The following SHLD2 variants were observed in gnomAD, a reference collection of about 807,000 sequenced individuals.
The protein encoded by SHLD2 is RINN1-REV7-interacting novel NHEJ regulator 2.
A neutral mutation model predicts 73.2 loss-of-function variants in SHLD2; 30 were observed. That is an observed-to-expected ratio of 0.41 (90% confidence interval 0.31 to 0.56). SHLD2 has a LOEUF of 0.56. Among genes scored for constraint, SHLD2 ranks in the 20% least tolerant of loss-of-function variants. SHLD2 has a pLI of 0.28. For missense variants in SHLD2, 745 were observed against 1,055.9 expected, an observed-to-expected ratio of 0.71 and a Z score of 4.08; for synonymous variants, 285 against 370.1, an observed-to-expected ratio of 0.77 and a Z score of 2.64.
At position 87,152,713 on chromosome 10, in the gene SHLD2, T is replaced by C. The variant is rs1219294867; in HGVS notation, c.1359T>C (p.His453=). 3.1e-6 allele frequency: 5 copies of C among 1,611,752 alleles called. No homozygotes were observed. Reference sequence around the variant, plus strand: ...TAGTCATGGTGCTATCTCCATGCCATGTGAAGGAAATAAACATAAAATTCG... The same window carrying C: ...TAGTCATGGTGCTATCTCCATGCCACGTGAAGGAAATAAACATAAAATTCG... ...NCLVMVLSPC[H]VKEINIKFGP... The change falls in exon 3 of 10, where the codon CAT becomes CAC. Residue 453 remains histidine (H), a synonymous_variant. Coordinates refer to ENST00000298786, the MANE Select transcript of SHLD2 (RefSeq NM_001330112.2).
At chr10:87,157,791 A>G (rs567457277) in intron 3 of SHLD2, among the ~76,000 whole-genome samples, 29 of 152,354 alleles carry the variant, frequency 1.9e-4, no homozygotes, top group Middle Eastern at 3.4e-3. Flanking sequence ...AAAAACTATT[A>G]AGCCTTTTTT....
At chr10:87,161,381 G>A (rs1320685657) in intron 4 of SHLD2, among the ~76,000 whole-genome samples, 1 of 152,120 alleles carries the variant, frequency 6.6e-6, no homozygotes, top group African/African-American at 2.4e-5. Context: ...GGGGGATGAG[G>A]TTGCAGTGAG....
In SHLD2 at chr10:87,187,079, T is replaced by A. The variant is rs1352607609; in HGVS notation, c.2400-6T>A. 1 of 1,585,050 alleles carries A rather than the reference T, an allele frequency of 6.3e-7. No individual in the cohort carries two copies. The highest frequency in any genetic ancestry group is 2.2e-5 in the East Asian group (1 of 44,666). On this transcript the variant is annotated splice_polypyrimidine_tract_variant and splice_region_variant and intron_variant, in intron 8 of 9. Transcript: ENST00000298786. ...TGAAGGTCGTGTGTTGTTTACTCTT[T>A]TGTAGGCCAGCGTTAATGACTGCCA...
chr10:87,185,570 A>T (rs956562393), intron 8 of SHLD2, among the ~76,000 whole-genome samples: 23 of 152,206 alleles, frequency 1.5e-4, no homozygotes, highest in Non-Finnish European at 1.5e-5. Flanking sequence ...TATTCTTGCC[A>T]GTACTTCTTA....
intron 2 of SHLD2, among the ~76,000 whole-genome samples, chr10:87,139,007 AAATCTATAG>A (rs1354377668): frequency 2.0e-5 from 3 of 152,248 alleles, no homozygotes; most frequent in African/African-American, 7.2e-5. Context: ...AACTACACAG[AAATCTATAG>A]AAGTAAGAGA....
intron 2 of SHLD2, among the ~76,000 whole-genome samples, chr10:87,103,219 T>A (rs555828204): frequency 7.8e-4 from 118 of 151,306 alleles, no homozygotes; most frequent in East Asian, 6.6e-3. Flanking sequence ...AAAAAAAAAA[T>A]TTTTTTTAAT....
chr10:87,137,546 A>T (rs1358831093), intron 2 of SHLD2, among the ~76,000 whole-genome samples: 5 of 152,156 alleles, frequency 3.3e-5, no homozygotes, highest in African/African-American at 1.2e-4. Flanking sequence ...GGAGGGGTAG[A>T]AAAGAGATTT....
Position 87,190,905 on chromosome 10 carries a change from A to G in SHLD2, c.*222A>G, listed in dbSNP as rs1227585299. The G allele has an allele frequency of 1.8e-6, 1 of 554,186 alleles. No individual in the cohort carries two copies. Among genetic ancestry groups the G allele is most frequent in the Non-Finnish European group, 3.2e-6 (1 of 312,960 alleles). 34.3% of individuals were successfully genotyped at this position (554,186 alleles called of 1,614,324 possible). A position where few individuals can be genotyped will look rare whatever the true frequency, so the allele number is the denominator to read the frequency against. On this transcript the variant is annotated 3_prime_UTR_variant, in exon 10 of 10. Coordinates refer to ENST00000298786, the MANE Select transcript of SHLD2 (RefSeq NM_001330112.2). ...TGGTTTCTTACTTTCTCCTGGAGAAATGATCTACCAGTCAAGGCAATATGT... is the reference window on the plus strand; with the variant it reads ...TGGTTTCTTACTTTCTCCTGGAGAAGTGATCTACCAGTCAAGGCAATATGT...
chr10:87,113,572 G>A (rs911109810), intron 2 of SHLD2, among the ~76,000 whole-genome samples: 5 of 152,186 alleles, frequency 3.3e-5, no homozygotes, highest in African/African-American at 1.2e-4. Context: ...GAGGCAATTG[G>A]GAATGACTGT....
intron 4 of SHLD2, among the ~76,000 whole-genome samples, chr10:87,159,421 G>T (rs1212411805): frequency 2.6e-5 from 4 of 152,098 alleles, no homozygotes; most frequent in African/African-American, 7.2e-5. Context: ...GGGGTACAAT[G>T]GTGCCTGTCC....
chr10:87,120,906 T>C (rs1033029395), intron 2 of SHLD2, among the ~76,000 whole-genome samples: 4 of 151,766 alleles, frequency 2.6e-5, no homozygotes, highest in African/African-American at 9.7e-5. Flanking sequence ...CAAAATTAGC[T>C]GGGTGTGGTG....
chr10:87,143,471 T>C (rs780883318), intron 2 of SHLD2, among the ~76,000 whole-genome samples: 1 of 152,220 alleles, frequency 6.6e-6, no homozygotes, highest in Non-Finnish European at 1.5e-5. Flanking sequence ...TTGTCAAACA[T>C]GGGTTCTCTG....
Position 87,151,819 on chromosome 10 carries a change from G to A in SHLD2, c.465G>A (p.Gln155=). ...TTAGAGATGAACAGCCTAAACATCA[G>A]CCAGATATATGTGGTAAGAACTTTA... ...NKIRDEQPKH[Q]PDICGKNFNT... The change falls in exon 3 of 10, where the codon CAG becomes CAA. Residue 155 remains glutamine (Q), a synonymous_variant. Coordinates refer to ENST00000298786, the MANE Select transcript of SHLD2 (RefSeq NM_001330112.2). 1 of 1,611,936 alleles carries A rather than the reference G, an allele frequency of 6.2e-7. No homozygotes were observed. The highest frequency in any genetic ancestry group is 8.5e-7 in the Non-Finnish European group (1 of 1,179,828).
chr10:87,172,465 G>A (rs988852049), intron 6 of SHLD2, among the ~76,000 whole-genome samples: 3 of 152,062 alleles, frequency 2.0e-5, no homozygotes, highest in Non-Finnish European at 2.9e-5. Context: ...TGTGATCTGG[G>A]TGAATACATA....
intron 2 of SHLD2, among the ~76,000 whole-genome samples, chr10:87,103,736 A>G (rs2133951056): frequency 6.6e-6 from 1 of 152,278 alleles, no homozygotes; most frequent in East Asian, 1.9e-4. Flanking sequence ...TTTCCTCTTA[A>G]AAAACCCTTT....
intron 4 of SHLD2, among the ~76,000 whole-genome samples, chr10:87,167,293 C>T (rs1186108632): frequency 6.6e-6 from 1 of 152,172 alleles, no homozygotes; most frequent in East Asian, 1.9e-4. Context: ...TTAGAAGTTA[C>T]TTCACAATCT....
At chr10:87,146,277 T>G (rs1208263576) in intron 2 of SHLD2, among the ~76,000 whole-genome samples, 1 of 152,096 alleles carries the variant, frequency 6.6e-6, no homozygotes, top group Non-Finnish European at 1.5e-5. Context: ...TAAACTTTCT[T>G]AAAACATTAT....
At position 87,149,139 on chromosome 10, in the gene SHLD2, C is replaced by T. The variant is rs1589567708; in HGVS notation, c.-5-2211C>T. 3.9e-5 allele frequency among the ~76,000 whole-genome samples: 6 copies of T among 151,940 alleles called. No individual in the cohort carries two copies. In the South Asian group the frequency reaches 1.0e-3, roughly 26 times the overall value. ...CTGACCTCAGGTGATCCTCCCACTT[C>T]GGCCTCTCAAAGTGCGGGGATTACA... On this transcript the variant is annotated intron_variant, in intron 2 of 9. Transcript: ENST00000298786.
chr10:87,109,719 T>C (rs1026110610), intron 2 of SHLD2, among the ~76,000 whole-genome samples: 3 of 152,246 alleles, frequency 2.0e-5, no homozygotes, highest in Non-Finnish European at 4.4e-5. Flanking sequence ...GTCATCTTGA[T>C]CAGTGTGAGA....
Sources: gnomAD v4.1 joint callset for allele counts (sites outside exome capture counted in the v4.1 genomes callset) on GRCh38, gnomAD v4.1.1 for gene constraint, MANE v1.5 for transcripts, NCBI Gene and HGNC (gene_info 2026-07-23, HGNC 2026-07-21) for gene names.